Variants in LRRC42 observed in about 807,000 individuals in gnomAD.
The protein encoded by LRRC42 is leucine rich repeat containing 42, also known as leucine-rich repeat-containing protein 42.
A neutral mutation model predicts 44.3 loss-of-function variants in LRRC42; 43 were observed. The ratio of observed to expected loss-of-function variants is 0.97; its 90% CI spans 0.76 to 1.25. The LOEUF (loss-of-function observed/expected upper bound fraction) is 1.25. LRRC42 is among the 50% of genes most tolerant of loss of function. The pLI is 0.00. For missense variants in LRRC42, 540 were observed against 509.1 expected (o/e 1.06, Z -0.58); for synonymous variants, 207 against 195.2 (o/e 1.06, Z -0.50).
At chr1:53,963,324 G>C (rs1169441049) in intron 7 of LRRC42, among the ~76,000 whole-genome samples, 1 of 152,230 alleles carries the variant, frequency 6.6e-6, no homozygotes, top group Non-Finnish European at 1.5e-5. Flanking sequence ...AGTGCTGTAT[G>C]AGACCTAGAT....
chr1:53,952,570 GCAC>G (rs1654724453), intron 3 of LRRC42, 98 bp downstream of exon 3: 14 of 960,572 alleles, frequency 1.5e-5, no homozygotes, highest in Non-Finnish European at 2.1e-5. Flanking sequence ...TCATCAAATA[GCAC>G]TTCAGTTTAG....
intron 5 of LRRC42, among the ~76,000 whole-genome samples, chr1:53,961,559 G>A (rs1327178506): frequency 6.6e-6 from 1 of 152,226 alleles, no homozygotes; most frequent in Admixed American, 6.5e-5. Context: ...TCTGACGTGA[G>A]AAAGTAATAT....
Position 53,968,151 on chromosome 1 carries a change from C to T in LRRC42, c.*212C>T, listed in dbSNP as rs965962328. ...ATACATAGTAATTTTTTCAAATAAA[C>T]ATTTTTGCTGTCCTTAAGTTCTGCT... On this transcript the variant is annotated 3_prime_UTR_variant, in exon 9 of 9. Coordinates refer to ENST00000371370, the MANE Select transcript of LRRC42 (RefSeq NM_001256409.2). 2 of 516,440 alleles carry T rather than the reference C, an allele frequency of 3.9e-6. No homozygotes were observed. The highest frequency in any genetic ancestry group is 6.9e-5 in the East Asian group (2 of 29,096). The allele number at this position is 516,440 out of a possible 1,614,324, so 32.0% of individuals were successfully genotyped here.
chr1:53,949,105 AAAC>A (rs1654602741), intron 2 of LRRC42, among the ~76,000 whole-genome samples: 1 of 152,224 alleles, frequency 6.6e-6, no homozygotes, highest in Non-Finnish European at 1.5e-5. Flanking sequence ...ACAAACAAAA[AAAC>A]AACCAGAACT....
chr1:53,946,761 T>A (rs917729085), intron 1 of LRRC42, among the ~76,000 whole-genome samples: 15 of 150,038 alleles, frequency 1.0e-4, no homozygotes, highest in African/African-American at 3.4e-4. Context: ...CGTGTGAGAA[T>A]TGGGGTTCGG....
intron 7 of LRRC42, among the ~76,000 whole-genome samples, chr1:53,962,948 C>T (rs979921306): frequency 2.0e-5 from 3 of 152,290 alleles, no homozygotes; most frequent in African/African-American, 7.2e-5. Context: ...GGTCTTTCTT[C>T]ACTTGGTAGA....
intron 2 of LRRC42, among the ~76,000 whole-genome samples, chr1:53,949,683 A>G (rs1030577316): frequency 6.6e-6 from 1 of 152,190 alleles, no homozygotes; most frequent in African/African-American, 2.4e-5. Flanking sequence ...CTGGCAAGAG[A>G]AAAGTATGGG....
chr1:53,965,756 T>C (rs1655114923), intron 7 of LRRC42, among the ~76,000 whole-genome samples: 1 of 152,178 alleles, frequency 6.6e-6, no homozygotes, highest in Non-Finnish European at 1.5e-5. Context: ...ATTATAGGCG[T>C]GAGCCACCGC....
chr1:53,960,559 G>T, intron 5 of LRRC42, 85 bp downstream of exon 5: 1 of 1,015,562 alleles, frequency 9.8e-7, no homozygotes, highest in Non-Finnish European at 1.4e-6. Context: ...TCATTTTAGA[G>T]GTGAGAAAGG....
At chr1:53,964,083 C>T (rs537803204) in intron 7 of LRRC42, among the ~76,000 whole-genome samples, 2 of 151,934 alleles carry the variant, frequency 1.3e-5, no homozygotes, top group African/African-American at 2.4e-5. Context: ...TGTCCCACCC[C>T]CTCCTTGCCT....
chr1:53,947,970 C>T (rs1445556191), intron 2 of LRRC42, 149 bp downstream of exon 2: 3 of 152,154 alleles, frequency 2.0e-5, no homozygotes, highest in South Asian at 2.1e-4. Context: ...CACTTATTAG[C>T]TCTGTTCTAG....
Position 53,958,616 on chromosome 1 carries a change from C to T in LRRC42, c.605+336C>T, listed in dbSNP as rs535257499. Among the ~76,000 whole-genome samples, 388 of 152,082 alleles carry T rather than the reference C, an allele frequency of 2.6e-3. 1 individual carries two copies. Among genetic ancestry groups the T allele is most frequent in the African/African-American group, 8.9e-3 (368 of 41,484 alleles). On this transcript the variant is annotated intron_variant, in intron 4 of 8. Transcript: ENST00000371370. The stretch of plus-strand genomic sequence containing the variant: ...TTATTTTTTTTGGAGACAAAAGTTT[C>T]GTTTTTGCCACCCAGGCTGGAGTGC...
chr1:53,946,951 T>G (rs1569814008), intron 1 of LRRC42, among the ~76,000 whole-genome samples: 18 of 133,676 alleles, frequency 1.3e-4, no homozygotes, highest in South Asian at 4.9e-4. Flanking sequence ...AAGTTGGGGG[T>G]GTGGAATGCC....
chr1:53,962,631 A>G (rs1394740078), intron 7 of LRRC42, among the ~76,000 whole-genome samples: 2 of 152,210 alleles, frequency 1.3e-5, no homozygotes, highest in Non-Finnish European at 2.9e-5. Context: ...GTTGTGCCTT[A>G]TCTTTACTGG....
intron 1 of LRRC42, among the ~76,000 whole-genome samples, chr1:53,946,771 G>A (rs74582172): frequency 0.018 from 2,709 of 151,968 alleles, 89 homozygotes; most frequent in African/African-American, 0.062. Context: ...TTGGGGTTCG[G>A]GGCCTGGGTG....
chr1:53,962,934 TG>T (rs1655035917), intron 7 of LRRC42, among the ~76,000 whole-genome samples: 1 of 152,194 alleles, frequency 6.6e-6, no homozygotes, highest in Non-Finnish European at 1.5e-5. Context: ...CCTTTTGTCT[TG>T]ATGGTCTTTC....
At chr1:53,951,293 C>T (rs1181096553) in intron 2 of LRRC42, among the ~76,000 whole-genome samples, 1 of 152,204 alleles carries the variant, frequency 6.6e-6, no homozygotes, top group Non-Finnish European at 1.5e-5. Flanking sequence ...AATTGTTAGA[C>T]ATTTAGGTCG....
chr1:53,966,145 A>T, intron 7 of LRRC42, 151 bp from the exon 8 acceptor site: 1 of 599,904 alleles, frequency 1.7e-6, no homozygotes, highest in Non-Finnish European at 3.0e-6. Context: ...TGCAGACTTG[A>T]CTTGGTTCTT....
Position 53,967,999 on chromosome 1 carries a change from C to A in LRRC42, c.*60C>A. 6.5e-7 allele frequency: 1 copy of A among 1,529,782 alleles called. No individual in the cohort carries two copies. Among genetic ancestry groups the A allele is most frequent in the Non-Finnish European group, 8.8e-7 (1 of 1,130,938 alleles). The allele number at this position is 1,529,782 out of a possible 1,614,324, so 94.8% of individuals were successfully genotyped here. On this transcript the variant is annotated 3_prime_UTR_variant, in exon 9 of 9. Coordinates refer to ENST00000371370, the MANE Select transcript of LRRC42 (RefSeq NM_001256409.2). ...AGCTCTAGTGTTTGAGTAAAGGAGA[C>A]TGAGGATGATTTACTTTTTGTTTGA... is the stretch of plus-strand genomic sequence containing the variant.
Sources: gnomAD v4.1 joint callset for allele counts (sites outside exome capture counted in the v4.1 genomes callset) on GRCh38, gnomAD v4.1.1 for gene constraint, MANE v1.5 for transcripts, NCBI Gene and HGNC (gene_info 2026-07-23, HGNC 2026-07-21) for gene names.